The following PSD3 variants were observed in gnomAD, a reference collection of about 807,000 sequenced individuals.
The protein encoded by PSD3 is PH and SEC7 domain-containing protein 3.
PSD3 carries 49 observed loss-of-function variants against 105.5 expected under a neutral mutation model. The observed-to-expected ratio is 0.46, with a 90% CI of 0.37 to 0.59. The LOEUF (loss-of-function observed/expected upper bound fraction) is 0.59, where lower values mean the gene tolerates loss of function less well. Ranked by LOEUF, PSD3 falls within the 20% of genes least tolerant of loss-of-function variation. PSD3 has a pLI of 0.00. For synonymous variants in PSD3, 557 were observed against 457.8 expected, an observed-to-expected ratio of 1.22 and a Z score of -2.77; for missense variants, 1,561 against 1,263.8, an observed-to-expected ratio of 1.24 and a Z score of -3.57.
intron 1 of PSD3, among the ~76,000 whole-genome samples, chr8:19,027,618 G>C (rs1351528138): frequency 1.3e-5 from 2 of 152,138 alleles, no homozygotes; most frequent in African/African-American, 4.8e-5. Context: ...TGGATGCTGA[G>C]ATCAGAGCAA....
intron 15 of PSD3, among the ~76,000 whole-genome samples, chr8:18,543,268 AT>A (rs1255516768): frequency 1.3e-5 from 2 of 151,762 alleles, no homozygotes; most frequent in Admixed American, 1.3e-4. Flanking sequence ...TCCTTATTAC[AT>A]TTTTTTGCTG....
chr8:18,862,146 CTTTCT>C (rs1308871245), intron 4 of PSD3, among the ~76,000 whole-genome samples: 1 of 152,160 alleles, frequency 6.6e-6, no homozygotes, highest in Non-Finnish European at 1.5e-5. Flanking sequence ...GGCCACTTGA[CTTTCT>C]TTTCTTGATT....
chr8:18,617,086 C>A (rs13266017), intron 11 of PSD3, among the ~76,000 whole-genome samples: 80,166 of 151,922 alleles, frequency 0.53, 21,633 homozygotes, highest in Middle Eastern at 0.71. Context: ...CTCTCATTCA[C>A]CTGGCTTTGG....
rs1799517090 is a variant in PSD3, at chr8:18,528,560, G to A, written c.*7183C>T. The stretch of plus-strand genomic sequence containing the variant: ...AAACCCAGGCTGTCCTTGCTGCTCA[G>A]TAGAAGCCTGAGTGAAGTGGCGGCC... On this transcript the variant is annotated 3_prime_UTR_variant, in exon 16 of 16. Transcript: ENST00000327040. 1 of 152,316 alleles carries A rather than the reference G, an allele frequency of 6.6e-6. No individual in the cohort carries two copies. The highest frequency in any genetic ancestry group is 1.5e-5 in the Non-Finnish European group (1 of 68,104). 9.4% of individuals were successfully genotyped at this position (152,316 alleles called of 1,614,324 possible).
intron 4 of PSD3, among the ~76,000 whole-genome samples, chr8:18,829,336 A>C (rs1205649728): frequency 6.6e-6 from 1 of 152,216 alleles, no homozygotes; most frequent in Non-Finnish European, 1.5e-5. Context: ...CATTTAAAAA[A>C]CACACACAAG....
At chr8:18,705,976 G>A (rs1436212773) in intron 9 of PSD3, among the ~76,000 whole-genome samples, 2 of 152,130 alleles carry the variant, frequency 1.3e-5, no homozygotes, top group Non-Finnish European at 2.9e-5. Context: ...CTCCATTGAT[G>A]TTGACCACAC....
intron 2 of PSD3, among the ~76,000 whole-genome samples, chr8:18,892,967 G>T (rs976025088): frequency 6.6e-6 from 1 of 152,118 alleles, no homozygotes; most frequent in African/African-American, 2.4e-5. Flanking sequence ...ATATGATTCA[G>T]AATGTAATCA....
intron 9 of PSD3, among the ~76,000 whole-genome samples, chr8:18,680,858 G>A (rs1188895155): frequency 1.3e-5 from 2 of 152,086 alleles, no homozygotes; most frequent in Non-Finnish European, 2.9e-5. Flanking sequence ...ACCAAGAAAA[G>A]CATTTAAGAT....
intron 3 of PSD3, among the ~76,000 whole-genome samples, chr8:18,870,770 TA>T (rs1563367169): frequency 6.6e-6 from 1 of 152,010 alleles, no homozygotes. Flanking sequence ...AACTGAATTA[TA>T]AAATCTACTT....
intron 1 of PSD3, among the ~76,000 whole-genome samples, chr8:18,975,586 G>A (rs1278358506): frequency 1.3e-5 from 2 of 152,158 alleles, no homozygotes; most frequent in African/African-American, 4.8e-5. Context: ...TATAAAGGTT[G>A]ACTTATGATA....
At chr8:18,846,292 C>T (rs1341902847) in intron 4 of PSD3, among the ~76,000 whole-genome samples, 1 of 152,218 alleles carries the variant, frequency 6.6e-6, no homozygotes, top group Non-Finnish European at 1.5e-5. Context: ...CACTCCAAGG[C>T]TCAAGGGCAC....
chr8:18,771,882 C>T (rs1807573141), intron 8 of PSD3, among the ~76,000 whole-genome samples: 1 of 152,216 alleles, frequency 6.6e-6, no homozygotes. Context: ...TTAAAGAGCT[C>T]CTCTTTTCCC....
chr8:18,666,724 T>TGGGG (rs1339897600), intron 9 of PSD3, among the ~76,000 whole-genome samples: 13 of 136,362 alleles, frequency 9.5e-5, no homozygotes, highest in East Asian at 2.5e-4. Flanking sequence ...TGCTTTTTTT[T>TGGGG]GGGGGGTGGG....
chr8:18,769,105 A>C (rs1308668407), intron 8 of PSD3, among the ~76,000 whole-genome samples: 1 of 152,132 alleles, frequency 6.6e-6, no homozygotes, highest in South Asian at 2.1e-4. Context: ...AGGTAAAAAA[A>C]TAACACATAC....
At position 18,961,185 on chromosome 8, in the gene PSD3, A is replaced by G. The variant is rs558090979; in HGVS notation, c.22-25043T>C. On this transcript the variant is annotated intron_variant, in intron 1 of 15. Coordinates refer to ENST00000327040, the MANE Select transcript of PSD3 (RefSeq NM_015310.4). ...CTGAAAAACAGAGACATTCAGTAAC[A>G]GAGAAATTTTACCTAAATCTGAAGA... 7.2e-5 allele frequency among the ~76,000 whole-genome samples: 11 copies of G among 152,342 alleles called. No individual in the cohort carries two copies. The South Asian group carries it at 1.5e-3, about 20-fold the overall frequency.
intron 10 of PSD3, among the ~76,000 whole-genome samples, chr8:18,653,759 TA>T (rs1808692573): frequency 6.6e-6 from 1 of 151,844 alleles, no homozygotes; most frequent in South Asian, 2.1e-4. Context: ...AAATCTGCTG[TA>T]ACAAATTAAA....
chr8:18,575,928 A>C (rs1802435975), intron 12 of PSD3, among the ~76,000 whole-genome samples: 1 of 152,220 alleles, frequency 6.6e-6, no homozygotes, highest in Non-Finnish European at 1.5e-5. Context: ...ACCAACTGTT[A>C]GATATTTTCT....
intron 4 of PSD3, among the ~76,000 whole-genome samples, chr8:18,817,272 T>C (rs1035835333): frequency 8.5e-5 from 13 of 152,210 alleles, no homozygotes; most frequent in Non-Finnish European, 1.8e-4. Context: ...TTTAGACACA[T>C]GTTAGCTTCC....
At chr8:18,742,554 A>G (rs1327063621) in intron 9 of PSD3, among the ~76,000 whole-genome samples, 3 of 152,348 alleles carry the variant, frequency 2.0e-5, no homozygotes, top group Admixed American at 6.5e-5. Context: ...TACAGTGTAT[A>G]TAATCATAGA....
Sources: gnomAD v4.1 joint callset for allele counts (sites outside exome capture counted in the v4.1 genomes callset) on GRCh38, gnomAD v4.1.1 for gene constraint, MANE v1.5 for transcripts, NCBI Gene and HGNC (gene_info 2026-07-23, HGNC 2026-07-21) for gene names.